PANK3: variants seen among roughly 807,000 people sequenced by gnomAD.
The protein encoded by PANK3 is pantothenate kinase 3.
A neutral mutation model predicts 39.4 loss-of-function variants in PANK3; 20 were observed. The ratio of observed to expected loss-of-function variants is 0.51; its 90% confidence interval spans 0.36 to 0.74. The LOEUF is 0.74. Among genes scored for constraint, PANK3 ranks in the 30% least tolerant of loss-of-function variants. The probability of loss-of-function intolerance (pLI) is 0.00; values close to 1 mark genes in which losing one functional copy is unlikely to be tolerated. For missense variants in PANK3, 265 were observed against 437.0 expected (o/e 0.61, Z 3.51); for synonymous variants, 140 against 157.3 (o/e 0.89, Z 0.82).
In PANK3 at chr5:168,550,294, G is replaced by A. The variant is rs757268677; in HGVS notation, c.*7277C>T. On this transcript the variant is annotated 3_prime_UTR_variant, in exon 7 of 7. Transcript: ENST00000239231. Reference sequence around the variant, plus strand: ...ATTTAAGATAGGCTAGGCTAAGCTGGGATGTTCAGTAGGTTAGGCGTATTA... The same window carrying A: ...ATTTAAGATAGGCTAGGCTAAGCTGAGATGTTCAGTAGGTTAGGCGTATTA... The A allele has an allele frequency of 2.6e-4, 39 of 152,138 alleles. No homozygotes were observed. Among genetic ancestry groups the A allele is most frequent in the Non-Finnish European group, 5.1e-4 (35 of 68,022 alleles). The allele number at this position is 152,138 out of a possible 1,614,324, so 9.4% of individuals were successfully genotyped here. A position where few individuals can be genotyped will look rare whatever the true frequency, so the allele number is the denominator to read the frequency against.
At position 168,563,871 on chromosome 5, in the gene PANK3, C is replaced by T. The variant is rs1443642882; in HGVS notation, c.812+18G>A. On this transcript the variant is annotated intron_variant, in intron 4 of 6. Transcript: ENST00000239231. ...TACTTAACTTCTGTAACTTAAATAA[C>T]ACAAATGTTAAACTTACCTAGATGC... 5 of 1,555,238 alleles carry T rather than the reference C, an allele frequency of 3.2e-6. No individual in the cohort carries two copies. Among genetic ancestry groups the T allele is most frequent in the East Asian group, 2.3e-5 (1 of 42,850 alleles).
chr5:168,556,729 T>C lies in PANK3; in HGVS notation c.*842A>G, dbSNP rs1759355274. ...TCTATTATTAATGTTATTGTGGTTG[T>C]TTTAAAATAAAAGTTCTGAATGTAT... is the stretch of plus-strand genomic sequence containing the variant. On this transcript the variant is annotated 3_prime_UTR_variant, in exon 7 of 7. Transcript: ENST00000239231. 1 of 152,650 alleles carries C rather than the reference T, an allele frequency of 6.6e-6. No homozygotes were observed. The allele number at this position is 152,650 out of a possible 1,614,324, so 9.5% of individuals were successfully genotyped here.
chr5:168,551,632 A>T lies in PANK3; in HGVS notation c.*5939T>A, dbSNP rs1582458010. On this transcript the variant is annotated 3_prime_UTR_variant, in exon 7 of 7. Coordinates refer to ENST00000239231, the MANE Select transcript of PANK3 (RefSeq NM_024594.4). ...AACCTTAAAAATCAAGGCAAGATGGACTACTCTTTGAAGGCAAGAATACTG... is the reference window on the plus strand; with the variant it reads ...AACCTTAAAAATCAAGGCAAGATGGTCTACTCTTTGAAGGCAAGAATACTG... The T allele has an allele frequency of 1.3e-5, 2 of 152,300 alleles. No homozygotes were observed. Among genetic ancestry groups the T allele is most frequent in the Admixed American group, 1.3e-4 (2 of 15,296 alleles). 9.4% of individuals were successfully genotyped at this position (152,300 alleles called of 1,614,324 possible).
At chr5:168,572,693 A>G (rs902946290) in intron 1 of PANK3, among the ~76,000 whole-genome samples, 15 of 152,212 alleles carry the variant, frequency 9.9e-5, no homozygotes, top group Non-Finnish European at 1.8e-4. Context: ...ATCTGGATGT[A>G]TATGTGCAAG....
At position 168,575,246 on chromosome 5, in the gene PANK3, A is replaced by G. The variant is rs186395173; in HGVS notation, c.28+4010T>C. On this transcript the variant is annotated intron_variant, in intron 1 of 6. Transcript: ENST00000239231. Reference sequence around the variant, plus strand: ...TTATGAGAGTTGACATTAGTTCCCCATATGTAGCAAAAATATCTCAAACTA... The same window carrying G: ...TTATGAGAGTTGACATTAGTTCCCCGTATGTAGCAAAAATATCTCAAACTA... Among the ~76,000 whole-genome samples the G allele has an allele frequency of 1.8e-3, 277 of 152,300 alleles. 1 individual carries two copies. Among genetic ancestry groups the G allele is most frequent in the African/African-American group, 5.9e-3 (246 of 41,566 alleles).
At chr5:168,564,962 A>C (rs2113116479) in intron 3 of PANK3, among the ~76,000 whole-genome samples, 1 of 152,340 alleles carries the variant, frequency 6.6e-6, no homozygotes, top group Middle Eastern at 3.4e-3. Context: ...TCTAATTCCT[A>C]AACTGTAAAC....
Position 168,549,560 on chromosome 5 carries a change from A to G in PANK3, c.*8011T>C, listed in dbSNP as rs1047764031. ...AATTAGTTGCATATTTATACCATTC[A>G]AAATCTTGATTTTAACCTCATTCAC... On this transcript the variant is annotated 3_prime_UTR_variant, in exon 7 of 7. Transcript: ENST00000239231. The G allele has an allele frequency of 2.0e-5, 3 of 152,204 alleles. No individual in the cohort carries two copies. The highest frequency in any genetic ancestry group is 6.5e-5 in the Admixed American group (1 of 15,274). The allele number at this position is 152,204 out of a possible 1,614,324, so 9.4% of individuals were successfully genotyped here.
At chr5:168,560,486 A>G (rs1330498523) in intron 5 of PANK3, among the ~76,000 whole-genome samples, 1 of 152,198 alleles carries the variant, frequency 6.6e-6, no homozygotes, top group Non-Finnish European at 1.5e-5. Context: ...CTTTTTAAAA[A>G]AATAGCACTT....
intron 1 of PANK3, among the ~76,000 whole-genome samples, chr5:168,573,966 T>C (rs975694237): frequency 2.0e-4 from 30 of 152,214 alleles, no homozygotes; most frequent in African/African-American, 7.2e-4. Context: ...TGAATAATGC[T>C]GCAATAAACA....
intron 6 of PANK3, among the ~76,000 whole-genome samples, chr5:168,558,290 C>A (rs180893420): frequency 2.0e-5 from 3 of 151,612 alleles, no homozygotes; most frequent in Non-Finnish European, 4.4e-5. Flanking sequence ...CCTCCCGAGT[C>A]GCTGGGATTA....
At chr5:168,563,805 T>C (rs1441449868) in intron 4 of PANK3, 84 bp downstream of exon 4, 2 of 1,287,130 alleles carry the variant, frequency 1.6e-6, no homozygotes, top group African/African-American at 1.5e-5. Flanking sequence ...CCCTTACAAC[T>C]TTCTGTTACA....
At chr5:168,578,561 A>G (rs1561844486) in intron 1 of PANK3, 1 of 152,328 alleles carries the variant, frequency 6.6e-6, no homozygotes, top group East Asian at 1.9e-4. Context: ...AAGGAAGCAA[A>G]TGAAAGTCGA....
chr5:168,559,185 T>G, intron 5 of PANK3, 28 bp from the exon 6 acceptor site: 2 of 1,376,352 alleles, frequency 1.5e-6, no homozygotes, highest in Admixed American at 4.6e-5. Flanking sequence ...AGAAAAAACT[T>G]GTAAAAATAA....
At chr5:168,571,823 C>CG (rs1478234887) in intron 1 of PANK3, among the ~76,000 whole-genome samples, 7 of 152,176 alleles carry the variant, frequency 4.6e-5, no homozygotes, top group African/African-American at 1.7e-4. Context: ...AGAAATAGCT[C>CG]GTTCGTCTTT....
Position 168,549,904 on chromosome 5 carries a change from C to G in PANK3, c.*7667G>C, listed in dbSNP as rs1192191623. On this transcript the variant is annotated 3_prime_UTR_variant, in exon 7 of 7. Transcript: ENST00000239231. ...AGCTGGGACTATAGGTGTGTGCCAA[C>G]AAGCCTGGCTATTTTTTGTATTTTT... 1.3e-5 allele frequency: 2 copies of G among 152,190 alleles called. No individual in the cohort carries two copies. Among genetic ancestry groups the G allele is most frequent in the African/African-American group, 4.8e-5 (2 of 41,440 alleles). The allele number at this position is 152,190 out of a possible 1,614,324, so 9.4% of individuals were successfully genotyped here.
At chr5:168,561,250 T>C (rs1759442464) in intron 5 of PANK3, 143 bp downstream of exon 5, 4 of 607,234 alleles carry the variant, frequency 6.6e-6, no homozygotes, top group Admixed American at 6.5e-5. Flanking sequence ...GTAACATATA[T>C]ACCTAATGAG....
chr5:168,563,797 C>T, intron 4 of PANK3, 92 bp downstream of exon 4: 3 of 1,178,614 alleles, frequency 2.5e-6, no homozygotes, highest in Non-Finnish European at 3.5e-6. Context: ...AGAAAGCACC[C>T]TTACAACTTT....
In PANK3 at chr5:168,571,109, T is replaced by C. The variant is rs569337350; in HGVS notation, c.29-2111A>G. 3.9e-5 allele frequency among the ~76,000 whole-genome samples: 6 copies of C among 152,304 alleles called. No individual in the cohort carries two copies. In the South Asian group the frequency reaches 1.2e-3, roughly 32 times the overall value. On this transcript the variant is annotated intron_variant, in intron 1 of 6. Transcript: ENST00000239231. ...GTCAGATCTAAATGGCATTTGAAAA[T>C]GACTGGCTTTGGTCACCTGATTCCT...
In PANK3 at chr5:168,557,583, T is replaced by C. The variant is rs1759369066; in HGVS notation, c.1101A>G (p.Pro367=). Residue 367 remains proline (P), a synonymous_variant, in exon 7 of 7, where the codon CCA becomes CCG. Transcript: ENST00000239231. ...FGAVGALLGL[P]NFS is the part of the protein sequence containing the mutation. Reference sequence around the variant, plus strand: ...GAGACCTGATGCTTTAGCTGAAATTTGGCAGCCCAAGAAGTGCACCAACTG... The same window carrying C: ...GAGACCTGATGCTTTAGCTGAAATTCGGCAGCCCAAGAAGTGCACCAACTG... The C allele has an allele frequency of 1.9e-6, 3 of 1,613,830 alleles. No homozygotes were observed. Among genetic ancestry groups the C allele is most frequent in the Non-Finnish European group, 2.5e-6 (3 of 1,179,906 alleles).
Sources: allele counts gnomAD v4.1 joint callset (sites outside exome capture counted in the v4.1 genomes callset), GRCh38; gene constraint gnomAD v4.1.1; transcripts MANE v1.5; gene names NCBI Gene and HGNC (gene_info 2026-07-23, HGNC 2026-07-21).